Variants in EPB41 observed in about 807,000 individuals in gnomAD.
The protein encoded by EPB41 is protein 4.1.
EPB41 carries 65 observed loss-of-function variants against 108.0 expected under a neutral mutation model. The ratio of observed to expected loss-of-function variants is 0.60; its 90% CI spans 0.49 to 0.74. The LOEUF is 0.74. Among genes scored for constraint, EPB41 ranks in the 30% least tolerant of loss-of-function variants. The probability of loss-of-function intolerance (pLI) is 0.00; values close to 1 mark genes in which losing one functional copy is unlikely to be tolerated. For synonymous variants in EPB41, 336 were observed against 358.9 expected (o/e 0.94, Z 0.72); for missense variants, 875 against 1,037.0 (o/e 0.84, Z 2.15).
chr1:29,032,097 TAAAAAAA>T (rs76135314), intron 8 of EPB41, among the ~76,000 whole-genome samples: 38 of 128,056 alleles, frequency 3.0e-4, no homozygotes, highest in African/African-American at 7.6e-4. Flanking sequence ...GACTCTGTCT[TAAAAAAA>T]AAAAAAAAAA....
chr1:28,933,829 AT>A (rs752169841), intron 1 of EPB41, among the ~76,000 whole-genome samples: 26 of 152,138 alleles, frequency 1.7e-4, no homozygotes, highest in Non-Finnish European at 3.1e-4. Context: ...ACGGTTTTAG[AT>A]TTACAGATTT....
intron 1 of EPB41, among the ~76,000 whole-genome samples, chr1:28,962,044 G>C (rs1033165854): frequency 2.0e-5 from 3 of 151,494 alleles, no homozygotes; most frequent in Non-Finnish European, 4.4e-5. Flanking sequence ...ATACTAGGGT[G>C]GTGCAAAAGT....
chr1:28,914,392 G>C (rs1043588991), upstream of EPB41, among the ~76,000 whole-genome samples: 1 of 152,210 alleles, frequency 6.6e-6, no homozygotes, highest in Non-Finnish European at 1.5e-5. Context: ...CCTAGGGGAG[G>C]GGGGAAACAA....
At chr1:29,010,520 C>T (rs890281700) in intron 4 of EPB41, among the ~76,000 whole-genome samples, 1 of 152,090 alleles carries the variant, frequency 6.6e-6, no homozygotes, top group Non-Finnish European at 1.5e-5. Flanking sequence ...CGACATGTAT[C>T]TTGTATTCCA....
rs755248112 is a variant in EPB41, at chr1:29,047,253, C to CTTTTTTTTTTTTTTTTTTTTTTTTTT, written c.1637-5835_1637-5834insTTTTTTTTTTTTTTTTTTTTTTTTTT. 1.9e-4 allele frequency among the ~76,000 whole-genome samples: 19 copies of CTTTTTTTTTTTTTTTTTTTTTTTTTT among 100,526 alleles called. 2 individuals are homozygous for CTTTTTTTTTTTTTTTTTTTTTTTTTT. Among genetic ancestry groups the CTTTTTTTTTTTTTTTTTTTTTTTTTT allele is most frequent in the African/African-American group, 3.5e-4 (7 of 19,752 alleles). 65.9% of individuals were successfully genotyped at this position (100,526 alleles called of 152,430 possible). ...TGTTTCTTTTTTCTTTCTTTCTTTCCTTTTTTTTTTTTTTTTGGAGAGAGA... is the reference window on the plus strand; with the variant it reads ...TGTTTCTTTTTTCTTTCTTTCTTTCCTTTTTTTTTTTTTTTTTTTTTTTTTTTTTTTTTTTTTTTTTTGGAGAGAGA... On this transcript the variant is annotated intron_variant, in intron 11 of 20. Transcript: ENST00000343067.
chr1:29,011,803 C>G (rs999994806), intron 4 of EPB41, 62 bp from the exon 5 acceptor site: 33 of 1,577,188 alleles, frequency 2.1e-5, no homozygotes, highest in Non-Finnish European at 2.7e-5. Flanking sequence ...GATCTTGCTT[C>G]CAGTACTCTG....
At chr1:29,014,576 T>C (rs1321040511) in intron 5 of EPB41, among the ~76,000 whole-genome samples, 3 of 151,856 alleles carry the variant, frequency 2.0e-5, no homozygotes, top group Non-Finnish European at 4.4e-5. Context: ...TATGTATATA[T>C]ATTTTTAGAG....
chr1:29,040,029 A>G (rs199571740), intron 11 of EPB41, among the ~76,000 whole-genome samples: 6 of 152,252 alleles, frequency 3.9e-5, no homozygotes, highest in Middle Eastern at 6.8e-3. Flanking sequence ...CTAATGTAGT[A>G]TGCTGAACTG....
chr1:28,994,797 T>G (rs959804583), intron 3 of EPB41, among the ~76,000 whole-genome samples: 3 of 150,894 alleles, frequency 2.0e-5, no homozygotes, highest in Non-Finnish European at 4.4e-5. Context: ...TAGCTGGGAC[T>G]ACAGGCACAT....
At chr1:28,978,302 GAC>G (rs1334699804) in intron 1 of EPB41, among the ~76,000 whole-genome samples, 2 of 151,400 alleles carry the variant, frequency 1.3e-5, no homozygotes, top group Non-Finnish European at 2.9e-5. Flanking sequence ...AATCCCAAAA[GAC>G]ACAATCCTAA....
rs1256912322 is a variant in EPB41 at position 28,987,856 on chromosome 1, A to G, written c.419A>G (p.Lys140Arg). Reference protein sequence around the residue: ...APIAAPEPELKTDPSLDLHSL... With the variant: ...APIAAPEPELRTDPSLDLHSL... ...ATTGCAGCTCCTGAACCGGAACTCAAAACAGACCCATCTTTGGATCTTCAT... is the reference window on the plus strand; with the variant it reads ...ATTGCAGCTCCTGAACCGGAACTCAGAACAGACCCATCTTTGGATCTTCAT... Residue 140 changes from lysine (K) to arginine (R), a missense_variant, in exon 2 of 21, where the codon AAA (lysine) becomes AGA (arginine). This residue lies in a region of EPB41 where 353 missense variants were observed against 393.2 expected (regional missense o/e 0.90). Coordinates refer to ENST00000343067, the MANE Select transcript of EPB41 (RefSeq NM_001376013.1). 6.2e-7 allele frequency: 1 copy of G among 1,614,240 alleles called. No individual in the cohort carries two copies. Among genetic ancestry groups the G allele is most frequent in the Non-Finnish European group, 8.5e-7 (1 of 1,180,044 alleles).
chr1:28,974,630 A>G (rs946438115), intron 1 of EPB41, among the ~76,000 whole-genome samples: 2 of 152,198 alleles, frequency 1.3e-5, no homozygotes, highest in South Asian at 2.1e-4. Flanking sequence ...GGAGAAGGCT[A>G]AGAGAAGGAC....
chr1:29,046,952 A>G (rs1219394585), intron 11 of EPB41, among the ~76,000 whole-genome samples: 1 of 151,830 alleles, frequency 6.6e-6, no homozygotes, highest in Non-Finnish European at 1.5e-5. Flanking sequence ...TAGGCCTATA[A>G]TTTTCCTTTT....
rs890616625 is a variant in EPB41 at position 29,024,669 on chromosome 1, TA to T, written c.1125-5722del. 1.7e-3 allele frequency among the ~76,000 whole-genome samples: 254 copies of T among 151,064 alleles called. 1 individual carries two copies. The highest frequency in any genetic ancestry group is 6.8e-3 in the Middle Eastern group (2 of 294). On this transcript the variant is annotated intron_variant, in intron 7 of 20. Transcript: ENST00000343067. ...AATAAAAAATATAAATAAATATAAA[TA>T]AAAAAAAATTCTTATCCTCACTTCA...
chr1:29,022,230 TAA>T (rs1558052080), intron 7 of EPB41, among the ~76,000 whole-genome samples: 1 of 151,952 alleles, frequency 6.6e-6, no homozygotes, highest in Non-Finnish European at 1.5e-5. Flanking sequence ...TGCACAATGT[TAA>T]AAAAATCATG....
chr1:29,033,211 G>A lies in EPB41; in HGVS notation c.1331G>A (p.Arg444His), dbSNP rs374316682. The A allele has an allele frequency of 1.7e-4, 273 of 1,613,946 alleles. 3 individuals are homozygous for A. In the South Asian group the frequency reaches 2.8e-3, roughly 16 times the overall value. The change falls in exon 9 of 21, where the codon CGT becomes CAT. Residue 444 changes from arginine (R) to histidine (H), a missense_variant. Around this residue, in one of 3 missense-constraint regions of EPB41, gnomAD observed 519 missense variants for 627.3 expected, o/e 0.83. Transcript: ENST00000343067. The stretch of plus-strand genomic sequence containing the variant: ...AAAGTGCTGAAGATTTCTTATAAAC[G>A]TAGTAGCTTTTTCATCAAGATTCGG... ...WPKVLKISYK[R>H]SSFFIKIRPG...
chr1:28,966,159 C>A (rs574454129), intron 1 of EPB41, among the ~76,000 whole-genome samples: 1 of 150,782 alleles, frequency 6.6e-6, no homozygotes, highest in South Asian at 2.1e-4. Context: ...GCATTCCAGC[C>A]TGGGCAACAA....
At chr1:29,039,792 T>C (rs1340905760) in intron 11 of EPB41, among the ~76,000 whole-genome samples, 1 of 152,018 alleles carries the variant, frequency 6.6e-6, no homozygotes, top group Non-Finnish European at 1.5e-5. Context: ...CCAGCCTGGC[T>C]GACAGAGTGG....
intron 7 of EPB41, among the ~76,000 whole-genome samples, chr1:29,027,791 A>G (rs2096740018): frequency 6.6e-6 from 1 of 152,130 alleles, no homozygotes; most frequent in African/African-American, 2.4e-5. Context: ...AAATATAAAT[A>G]TTATTTTCAA....
Sources: gnomAD v4.1 joint callset for allele counts (sites outside exome capture counted in the v4.1 genomes callset) on GRCh38, gnomAD v4.1.1 for gene constraint, gnomAD v4.1.1 regional missense constraint, MANE v1.5 for transcripts, NCBI Gene and HGNC (gene_info 2026-07-23, HGNC 2026-07-21) for gene names.